Variants in SLAMF6 observed in about 807,000 individuals in gnomAD.
SLAMF6 encodes the protein NK-T-B-antigen.
SLAMF6 carries 21 observed loss-of-function variants against 38.3 expected under a neutral mutation model. That is an observed-to-expected ratio of 0.55 (90% CI 0.39 to 0.79). The LOEUF (loss-of-function observed/expected upper bound fraction) is 0.79. Ranked by LOEUF, SLAMF6 falls within the 30% of genes least tolerant of loss-of-function variation. SLAMF6 has a pLI of 0.00. For missense variants in SLAMF6, 341 were observed against 385.3 expected (o/e 0.89, Z 0.96); for synonymous variants, 152 against 146.3 (o/e 1.04, Z -0.28).
At chr1:160,500,951 A>G (rs1181905787) in intron 1 of SLAMF6, among the ~76,000 whole-genome samples, 1 of 152,156 alleles carries the variant, frequency 6.6e-6, no homozygotes, top group Non-Finnish European at 1.5e-5. Context: ...AGTTTATGTA[A>G]CAAGATTTTA....
chr1:160,496,529 G>A, intron 1 of SLAMF6, 136 bp from the exon 2 acceptor site: 1 of 830,520 alleles, frequency 1.2e-6, no homozygotes, highest in Non-Finnish European at 1.9e-6. Flanking sequence ...GAGTAGGAAA[G>A]GGTAGGAGAT....
rs552787941 is a variant in SLAMF6 at position 160,486,478 on chromosome 1, A to C, written c.*229T>G. ...GTTATCTTTAGCATGTTTTGGCCTGAAGTGGATTGGAAAATATTATTTGAA... is the reference window on the plus strand; with the variant it reads ...GTTATCTTTAGCATGTTTTGGCCTGCAGTGGATTGGAAAATATTATTTGAA... On this transcript the variant is annotated 3_prime_UTR_variant, in exon 8 of 8. Transcript: ENST00000368057. 7 of 505,248 alleles carry C rather than the reference A, an allele frequency of 1.4e-5. No individual in the cohort carries two copies. Among genetic ancestry groups the C allele is most frequent in the African/African-American group, 9.7e-5 (5 of 51,660 alleles). The allele number at this position is 505,248 out of a possible 1,614,324, so 31.3% of individuals were successfully genotyped here. A position where few individuals can be genotyped will look rare whatever the true frequency, so the allele number is the denominator to read the frequency against.
intron 1 of SLAMF6, among the ~76,000 whole-genome samples, chr1:160,519,468 C>T (rs776332265): frequency 2.6e-5 from 4 of 151,972 alleles, no homozygotes; most frequent in Non-Finnish European, 5.9e-5. Flanking sequence ...AGGTATATAC[C>T]CAGATAAAAA....
At chr1:160,495,502 GA>G (rs1653528019) in intron 2 of SLAMF6, among the ~76,000 whole-genome samples, 2 of 152,200 alleles carry the variant, frequency 1.3e-5, no homozygotes, top group African/African-American at 4.8e-5. Flanking sequence ...AACCTTGACA[GA>G]AAGGATGTTT....
At position 160,523,204 on chromosome 1, in the gene SLAMF6, T is replaced by A; in HGVS notation, c.-12A>T. 2 of 1,612,996 alleles carry A rather than the reference T, an allele frequency of 1.2e-6. No individual in the cohort carries two copies. The highest frequency in any genetic ancestry group is 1.7e-6 in the Non-Finnish European group (2 of 1,179,496). On this transcript the variant is annotated 5_prime_UTR_variant, in exon 1 of 8. Coordinates refer to ENST00000368057, the MANE Select transcript of SLAMF6 (RefSeq NM_001184714.2). ...AACAGCCACAACATGCTTTCCGCGGTGAAGACTGGTGCTTGAGACCTTGAG... is the reference window on the plus strand; with the variant it reads ...AACAGCCACAACATGCTTTCCGCGGAGAAGACTGGTGCTTGAGACCTTGAG...
In SLAMF6 at chr1:160,486,766, A is replaced by G; in HGVS notation, c.952-12T>C. ...AAAGTGGGTTTACTCTGTGGGAAAAAGAGGAAGATGAGGTAGGTTAATTGG... is the reference window on the plus strand; with the variant it reads ...AAAGTGGGTTTACTCTGTGGGAAAAGGAGGAAGATGAGGTAGGTTAATTGG... On this transcript the variant is annotated splice_polypyrimidine_tract_variant and intron_variant, in intron 7 of 7. Transcript: ENST00000368057. The G allele has an allele frequency of 6.2e-7, 1 of 1,613,822 alleles. No homozygotes were observed. Among genetic ancestry groups the G allele is most frequent in the Non-Finnish European group, 8.5e-7 (1 of 1,179,820 alleles).
intron 7 of SLAMF6, 90 bp from the exon 8 acceptor site, chr1:160,486,844 C>T: frequency 3.5e-6 from 5 of 1,418,712 alleles, no homozygotes; most frequent in Non-Finnish European, 5.0e-6. Context: ...CTGGAGACTA[C>T]AGAGAGGCAG....
chr1:160,523,156 A>G lies in SLAMF6; in HGVS notation c.37T>C (p.Cys13Arg). Reference protein sequence around the residue: ...WLFQSLLFVFCFGPGNVVSQS... With the variant: ...WLFQSLLFVFRFGPGNVVSQS... ...GATTGACATTTACCTGGGCCAAAGCAGAAGACAAACAGGAGCGATTGGAAC... is the reference window on the plus strand; with the variant it reads ...GATTGACATTTACCTGGGCCAAAGCGGAAGACAAACAGGAGCGATTGGAAC... Residue 13 changes from cysteine (C) to arginine (R), a missense_variant, in exon 1 of 8, where the codon TGC (cysteine) becomes CGC (arginine). Coordinates refer to ENST00000368057, the MANE Select transcript of SLAMF6 (RefSeq NM_001184714.2). 1 of 1,613,900 alleles carries G rather than the reference A, an allele frequency of 6.2e-7. No homozygotes were observed. Among genetic ancestry groups the G allele is most frequent in the Non-Finnish European group, 8.5e-7 (1 of 1,179,884 alleles).
chr1:160,496,463 A>T, intron 1 of SLAMF6, 70 bp from the exon 2 acceptor site: 1 of 1,477,060 alleles, frequency 6.8e-7, no homozygotes, highest in Non-Finnish European at 9.3e-7. Context: ...GCACCCTTTC[A>T]CCTAACGCTG....
chr1:160,515,173 G>A (rs1654677205), intron 1 of SLAMF6, among the ~76,000 whole-genome samples: 1 of 152,136 alleles, frequency 6.6e-6, no homozygotes, highest in South Asian at 2.1e-4. Flanking sequence ...AATGTTAAAA[G>A]AGGATATCAC....
intron 1 of SLAMF6, among the ~76,000 whole-genome samples, chr1:160,522,028 G>A (rs950181475): frequency 6.6e-6 from 1 of 152,158 alleles, no homozygotes; most frequent in Non-Finnish European, 1.5e-5. Flanking sequence ...CAAGCATTCA[G>A]TAGGTGCTCA....
chr1:160,493,262 G>T (rs532746605), intron 2 of SLAMF6, among the ~76,000 whole-genome samples: 1 of 152,246 alleles, frequency 6.6e-6, no homozygotes, highest in African/African-American at 2.4e-5. Context: ...TATCTATGCG[G>T]ATGGCGTGTC....
At chr1:160,510,702 C>T (rs146783049) in intron 1 of SLAMF6, among the ~76,000 whole-genome samples, 1 of 152,280 alleles carries the variant, frequency 6.6e-6, no homozygotes, top group East Asian at 1.9e-4. Flanking sequence ...AGTCTCACCA[C>T]TTCTATTTAA....
chr1:160,512,729 G>A (rs11577695), intron 1 of SLAMF6, among the ~76,000 whole-genome samples: 34,062 of 152,016 alleles, frequency 0.22, 4,535 homozygotes, highest in Middle Eastern at 0.37. Context: ...CAGGTGAATA[G>A]GATCTGGAGT....
intron 1 of SLAMF6, among the ~76,000 whole-genome samples, chr1:160,509,205 G>A (rs1445349718): frequency 1.3e-5 from 2 of 152,192 alleles, no homozygotes; most frequent in Non-Finnish European, 2.9e-5. Flanking sequence ...ACATGCACAC[G>A]TATGTTTGTT....
rs954730843 is a variant in SLAMF6 at position 160,519,748 on chromosome 1, C to A, written c.49+3396G>T. On this transcript the variant is annotated intron_variant, in intron 1 of 7. Coordinates refer to ENST00000368057, the MANE Select transcript of SLAMF6 (RefSeq NM_001184714.2). ...TATGAAATTATCCAGAATAGGTAAA[C>A]CCACAGAGACAGAAAGCAGATCGGT... Among the ~76,000 whole-genome samples the A allele has an allele frequency of 1.4e-4, 21 of 150,426 alleles. 1 individual carries two copies. Among genetic ancestry groups the A allele is most frequent in the Admixed American group, 1.3e-3 (19 of 15,066 alleles).
At position 160,491,490 on chromosome 1, in the gene SLAMF6, CTG is replaced by C. The variant is rs138475595; in HGVS notation, c.383-104_383-103del. The C allele has an allele frequency of 1.3e-3, 2,023 of 1,498,622 alleles. 23 individuals are homozygous for C. In the African/African-American group the frequency reaches 0.025, roughly 19 times the overall value. The allele number at this position is 1,498,622 out of a possible 1,614,324, so 92.8% of individuals were successfully genotyped here. On this transcript the variant is annotated intron_variant, in intron 2 of 7. Coordinates refer to ENST00000368057, the MANE Select transcript of SLAMF6 (RefSeq NM_001184714.2). ...CTCAATGTTTTGTATTTCACCTTTG[CTG>C]TGTGTTATGGTCTGTAGACTCTGTA...
rs1571283375 is a variant in SLAMF6 at position 160,491,515 on chromosome 1, G to A, written c.383-127C>T. On this transcript the variant is annotated intron_variant, in intron 2 of 7. Transcript: ENST00000368057. Reference sequence around the variant, plus strand: ...CTGTGTGTTATGGTCTGTAGACTCTGTAAATGACTCTGCTTATATTGCCTA... The same window carrying A: ...CTGTGTGTTATGGTCTGTAGACTCTATAAATGACTCTGCTTATATTGCCTA... The A allele has an allele frequency of 6.7e-6, 9 of 1,348,726 alleles. No homozygotes were observed. The East Asian group carries it at 2.2e-4, about 32-fold the overall frequency. 83.5% of individuals were successfully genotyped at this position (1,348,726 alleles called of 1,614,324 possible).
chr1:160,509,559 C>G (rs569747679), intron 1 of SLAMF6, among the ~76,000 whole-genome samples: 1 of 151,986 alleles, frequency 6.6e-6, no homozygotes, highest in Admixed American at 6.6e-5. Flanking sequence ...ATGTAAATGA[C>G]GAGTTGATGG....
Sources: allele counts gnomAD v4.1 joint callset (sites outside exome capture counted in the v4.1 genomes callset), GRCh38; gene constraint gnomAD v4.1.1; transcripts MANE v1.5; gene names NCBI Gene and HGNC (gene_info 2026-07-23, HGNC 2026-07-21).